The following ABLIM1 variants were observed in gnomAD, a reference collection of about 807,000 sequenced individuals.
ABLIM1 encodes actin-binding LIM protein 1.
ABLIM1 carries 40 observed loss-of-function variants against 107.0 expected under a neutral mutation model. That is an observed-to-expected ratio of 0.37 (90% CI 0.29 to 0.49). The LOEUF is 0.49. Among genes scored for constraint, ABLIM1 ranks in the 20% least tolerant of loss-of-function variants. The pLI is 0.97. For synonymous variants in ABLIM1, 357 were observed against 357.3 expected (o/e 1.00, Z 0.01); for missense variants, 857 against 1,008.5 (o/e 0.85, Z 2.04).
At chr10:114,632,274 C>G in intron 1 of ABLIM1, 1 of 985,440 alleles carries the variant, frequency 1.0e-6, no homozygotes, top group South Asian at 4.7e-5. Context: ...TTGTATTCCT[C>G]GCACCGAGGA....
chr10:114,570,555 C>CA (rs1181125834), intron 4 of ABLIM1, among the ~76,000 whole-genome samples: 1 of 146,850 alleles, frequency 6.8e-6, no homozygotes, highest in Non-Finnish European at 1.5e-5. Flanking sequence ...TTTGTGTATG[C>CA]AAAGGAATTT....
upstream of ABLIM1, among the ~76,000 whole-genome samples, chr10:114,663,032 G>A (rs1046707017): frequency 6.6e-6 from 1 of 152,178 alleles, no homozygotes; most frequent in Non-Finnish European, 1.5e-5. Context: ...GCACTAAGTT[G>A]CTGCCCACAC....
In ABLIM1 at chr10:114,441,193, A is replaced by T. The variant is rs547746964; in HGVS notation, c.1999-116T>A. 3.5e-6 allele frequency: 4 copies of T among 1,137,178 alleles called. No individual in the cohort carries two copies. In the Admixed American group the frequency reaches 1.1e-4, roughly 31 times the overall value. 70.4% of individuals were successfully genotyped at this position (1,137,178 alleles called of 1,614,324 possible). On this transcript the variant is annotated intron_variant, in intron 18 of 22. Coordinates refer to ENST00000533213, the MANE Select transcript of ABLIM1 (RefSeq NM_002313.7). ...GAATTCTTCCCAAGCTAAATGTCAG[A>T]CCTTCATTTTTTTTTTCCCTATGAT...
rs560312798 is a variant in ABLIM1, at chr10:114,478,615, C to T, written c.1042-4659G>A. On this transcript the variant is annotated intron_variant, in intron 8 of 22. Coordinates refer to ENST00000533213, the MANE Select transcript of ABLIM1 (RefSeq NM_002313.7). ...CCATGTGAAGAAGGTCTTTGCTTCC[C>T]CTTTGCCTTCTGCCATGATTGTTAA... Among the ~76,000 whole-genome samples the T allele has an allele frequency of 1.1e-4, 17 of 152,314 alleles. 1 individual carries two copies. In the East Asian group the frequency reaches 3.3e-3, roughly 29 times the overall value.
At chr10:114,525,387 C>G (rs2064524511) in intron 6 of ABLIM1, among the ~76,000 whole-genome samples, 1 of 152,210 alleles carries the variant, frequency 6.6e-6, no homozygotes, top group South Asian at 2.1e-4. Context: ...CCTGAGCTTA[C>G]TGGATAAGCC....
chr10:114,799,813 C>CATGCAGTTG, the ABLIM1 span, among the ~76,000 whole-genome samples: 13 of 152,234 alleles, frequency 8.5e-5, no homozygotes, highest in Non-Finnish European at 1.5e-5. Context: ...ACTCTGTTGT[C>CATGCAGTTG]CAAGCTGGAG....
intron 4 of ABLIM1, among the ~76,000 whole-genome samples, chr10:114,559,284 C>T (rs2069257039): frequency 6.6e-6 from 1 of 151,802 alleles, no homozygotes; most frequent in African/African-American, 2.4e-5. Flanking sequence ...TCAGAAAAGG[C>T]AATGGTCACA....
intron 1 of ABLIM1, among the ~76,000 whole-genome samples, chr10:114,732,158 C>T: frequency 6.9e-6 from 1 of 145,628 alleles, no homozygotes; most frequent in Admixed American, 6.8e-5. Context: ...GTTTGATTTG[C>T]ATTTTTCTTT....
At chr10:114,600,181 G>A (rs1336744547) in intron 2 of ABLIM1, among the ~76,000 whole-genome samples, 1 of 152,086 alleles carries the variant, frequency 6.6e-6, no homozygotes, top group Non-Finnish European at 1.5e-5. Flanking sequence ...TTAATGGCAA[G>A]GCAGGACTCA....
At chr10:114,524,372 C>T (rs1050415888) in intron 6 of ABLIM1, among the ~76,000 whole-genome samples, 113 of 152,248 alleles carry the variant, frequency 7.4e-4, no homozygotes, top group Non-Finnish European at 1.5e-4. Flanking sequence ...TTGACTTCAT[C>T]GTTATCTGTA....
intron 17 of ABLIM1, among the ~76,000 whole-genome samples, chr10:114,442,772 T>C (rs1349188788): frequency 6.6e-6 from 1 of 152,216 alleles, no homozygotes; most frequent in Non-Finnish European, 1.5e-5. Flanking sequence ...CAACCACATC[T>C]ACTTCACTGG....
chr10:114,721,484 C>T (rs2081846519), intron 1 of ABLIM1, among the ~76,000 whole-genome samples: 1 of 151,398 alleles, frequency 6.6e-6, no homozygotes, highest in Non-Finnish European at 1.5e-5. Flanking sequence ...ATGCCCTGAG[C>T]AGATAATTTT....
intron 1 of ABLIM1, among the ~76,000 whole-genome samples, chr10:114,761,471 G>A (rs1232078209): frequency 1.3e-5 from 2 of 152,150 alleles, no homozygotes; most frequent in Non-Finnish European, 2.9e-5. Context: ...TCATGCCAAA[G>A]TTAGGACATT....
chr10:114,771,632 G>C (rs918726681), upstream of ABLIM1, among the ~76,000 whole-genome samples: 1 of 152,108 alleles, frequency 6.6e-6, no homozygotes, highest in African/African-American at 2.4e-5. Flanking sequence ...TTTGTTAATG[G>C]CTTGAATCTC....
At chr10:114,568,235 C>T (rs1448428307) in intron 4 of ABLIM1, among the ~76,000 whole-genome samples, 2 of 149,446 alleles carry the variant, frequency 1.3e-5, no homozygotes, top group Admixed American at 1.3e-4. Flanking sequence ...TTTCTACTTC[C>T]ACTTAGGAAG....
intron 6 of ABLIM1, among the ~76,000 whole-genome samples, chr10:114,504,320 G>A (rs2060834003): frequency 1.3e-5 from 2 of 152,184 alleles, no homozygotes; most frequent in African/African-American, 4.8e-5. Context: ...GCTAAGAAAA[G>A]TCTCCAAAGT....
At chr10:114,787,285 G>A in the ABLIM1 span, among the ~76,000 whole-genome samples, 2 of 151,868 alleles carry the variant, frequency 1.3e-5, no homozygotes, top group Admixed American at 6.5e-5. Flanking sequence ...GAAGTGAGGA[G>A]CCTCTCTGCC....
At chr10:114,796,963 T>C in the ABLIM1 span, among the ~76,000 whole-genome samples, 2 of 152,026 alleles carry the variant, frequency 1.3e-5, no homozygotes, top group African/African-American at 4.8e-5. Context: ...GACCTCATCA[T>C]CTCTAATGCC....
chr10:114,463,495 A>G (rs1240518695), intron 12 of ABLIM1, among the ~76,000 whole-genome samples: 4 of 152,170 alleles, frequency 2.6e-5, no homozygotes, highest in African/African-American at 9.7e-5. Context: ...TGTTTTTAAA[A>G]AGCACCTGAC....
Sources: allele counts gnomAD v4.1 joint callset (sites outside exome capture counted in the v4.1 genomes callset), GRCh38; gene constraint gnomAD v4.1.1; transcripts MANE v1.5; gene names NCBI Gene and HGNC (gene_info 2026-07-23, HGNC 2026-07-21).